The following BMPR2 variants were observed in gnomAD, a reference collection of about 807,000 sequenced individuals.
BMPR2 encodes bone morphogenetic protein receptor type-2.
In BMPR2, 29 loss-of-function variants were observed where a neutral mutation model predicts 100.8. That is an observed-to-expected ratio of 0.29 (90% CI 0.21 to 0.39). BMPR2 has a LOEUF of 0.39. BMPR2 is among the 10% of genes least tolerant of loss of function. The pLI is 1.00. For missense variants in BMPR2, 1,011 were observed against 1,274.5 expected, an observed-to-expected ratio of 0.79 and a Z score of 3.15; for synonymous variants, 382 against 442.3, an observed-to-expected ratio of 0.86 and a Z score of 1.71.
intron 1 of BMPR2, among the ~76,000 whole-genome samples, chr2:202,453,154 C>T (rs1217003112): frequency 1.3e-5 from 2 of 150,672 alleles, no homozygotes; most frequent in African/African-American, 4.9e-5. Flanking sequence ...CAAGCAAGGA[C>T]GTGACGTGAT....
chr2:202,421,759 C>T (rs560392282), intron 1 of BMPR2, among the ~76,000 whole-genome samples: 23 of 149,130 alleles, frequency 1.5e-4, no homozygotes, highest in Admixed American at 2.7e-4. Flanking sequence ...AAGTCACTTC[C>T]ACTAGAAGAT....
chr2:202,401,951 CT>C (rs1455671579), intron 1 of BMPR2, among the ~76,000 whole-genome samples: 1 of 152,168 alleles, frequency 6.6e-6, no homozygotes, highest in African/African-American at 2.4e-5. Flanking sequence ...CTCAAAAGTG[CT>C]TTTTGTAAAG....
chr2:202,556,704 T>C (rs1292232172), intron 12 of BMPR2, among the ~76,000 whole-genome samples, 173 bp downstream of exon 12: 1 of 152,178 alleles, frequency 6.6e-6, no homozygotes, highest in Non-Finnish European at 1.5e-5. Context: ...CCTAGCACTT[T>C]GGGAGGCCAA....
intron 1 of BMPR2, among the ~76,000 whole-genome samples, chr2:202,388,975 G>A (rs1049083108): frequency 6.6e-6 from 1 of 151,960 alleles, no homozygotes; most frequent in African/African-American, 2.4e-5. Flanking sequence ...AGTGGCTCGC[G>A]CCTGTAATCT....
chr2:202,523,993 A>T (rs1225203832), intron 7 of BMPR2, among the ~76,000 whole-genome samples: 1 of 152,170 alleles, frequency 6.6e-6, no homozygotes, highest in Non-Finnish European at 1.5e-5. Context: ...TCGGGTACTC[A>T]TGGACATGAA....
intron 1 of BMPR2, among the ~76,000 whole-genome samples, chr2:202,455,694 C>G (rs950822656): frequency 6.6e-6 from 1 of 151,912 alleles, no homozygotes; most frequent in African/African-American, 2.4e-5. Flanking sequence ...TTTTTTGGCC[C>G]AAAATGGTTA....
Position 202,566,311 on chromosome 2 carries a change from C to T in BMPR2, c.*6365C>T, listed in dbSNP as rs559995996. 8 of 152,650 alleles carry T rather than the reference C, an allele frequency of 5.2e-5. No individual in the cohort carries two copies. Among genetic ancestry groups the T allele is most frequent in the African/African-American group, 1.9e-4 (8 of 41,564 alleles). 9.5% of individuals were successfully genotyped at this position (152,650 alleles called of 1,614,324 possible). A position where few individuals can be genotyped will look rare whatever the true frequency, so the allele number is the denominator to read the frequency against. Reference sequence around the variant, plus strand: ...CATCCCTTTGTACACTGAAAAAGTTCAATTGTTAGCAAGTAAGCAATTAGA... The same window carrying T: ...CATCCCTTTGTACACTGAAAAAGTTTAATTGTTAGCAAGTAAGCAATTAGA... On this transcript the variant is annotated 3_prime_UTR_variant, in exon 13 of 13. Transcript: ENST00000374580.
rs758445723 is a variant in BMPR2, at chr2:202,520,134, C to G, written c.900C>G (p.Ser300Arg). The change falls in exon 7 of 13, where the codon AGC becomes AGG. Residue 300 changes from serine to arginine, a missense_variant. Physicochemically the swap from Ser to Arg is moderately radical, Grantham distance 110 (BLOSUM62 -1). Coordinates refer to ENST00000374580, the MANE Select transcript of BMPR2 (RefSeq NM_001204.7). ...GTCTCCACACAAGTGACTGGGTAAG[C>G]TCTTGCCGTCTTGCTCATTCTGTTA... ...YLSLHTSDWV[S>R]SCRLAHSVTR... 1 of 1,613,158 alleles carries G rather than the reference C, an allele frequency of 6.2e-7. No individual in the cohort carries two copies. Among genetic ancestry groups the G allele is most frequent in the African/African-American group, 1.3e-5 (1 of 74,634 alleles).
At position 202,377,384 on chromosome 2, in the gene BMPR2, G is replaced by GGA; in HGVS notation, c.-90_-89insAG. 8.0e-7 allele frequency: 1 copy of GGA among 1,243,584 alleles called. No homozygotes were observed. Among genetic ancestry groups the GGA allele is most frequent in the South Asian group, 1.2e-5 (1 of 83,708 alleles). The allele number at this position is 1,243,584 out of a possible 1,614,324, so 77.0% of individuals were successfully genotyped here. On this transcript the variant is annotated 5_prime_UTR_variant, in exon 1 of 13. Coordinates refer to ENST00000374580, the MANE Select transcript of BMPR2 (RefSeq NM_001204.7). ...TGTGATACGGGCAGGATCAGTCCAC[G>GGA]GGAGAGAAGACGAGCCTCCCGGCTG...
intron 1 of BMPR2, among the ~76,000 whole-genome samples, chr2:202,430,139 C>T (rs1691475096): frequency 6.6e-6 from 1 of 152,134 alleles, no homozygotes; most frequent in South Asian, 2.1e-4. Flanking sequence ...AAATCTCTCT[C>T]TTATAAGGCC....
intron 1 of BMPR2, among the ~76,000 whole-genome samples, chr2:202,393,823 G>GTT (rs1690598867): frequency 6.8e-6 from 1 of 147,298 alleles, no homozygotes; most frequent in Non-Finnish European, 1.5e-5. Flanking sequence ...ACTTATTTAG[G>GTT]TCACTAATTA....
At chr2:202,551,360 CA>C (rs1256597587) in intron 10 of BMPR2, among the ~76,000 whole-genome samples, 143 of 95,328 alleles carry the variant, frequency 1.5e-3, no homozygotes, top group African/African-American at 2.2e-3. Context: ...ACTAAAGATA[CA>C]AAAAAAAAAA....
intron 1 of BMPR2, among the ~76,000 whole-genome samples, chr2:202,434,935 ATTTATT>A (rs1386595771): frequency 1.0e-5 from 1 of 97,436 alleles, no homozygotes; most frequent in African/African-American, 4.0e-5. Flanking sequence ...ATATATATAT[ATTTATT>A]TATTTATTTA....
intron 10 of BMPR2, among the ~76,000 whole-genome samples, chr2:202,546,085 T>C (rs572618242): frequency 6.6e-6 from 1 of 152,230 alleles, no homozygotes; most frequent in Admixed American, 6.5e-5. Flanking sequence ...GAAAACTTTT[T>C]ACTTCCAGTA....
At chr2:202,534,836 G>A (rs1224957612) in intron 9 of BMPR2, among the ~76,000 whole-genome samples, 5 of 151,200 alleles carry the variant, frequency 3.3e-5, no homozygotes, top group Middle Eastern at 3.4e-3. Context: ...GGACGGGGCG[G>A]CTGGCCAGGC....
chr2:202,566,834 A>T lies in BMPR2; in HGVS notation c.*6888A>T, dbSNP rs1351268200. The T allele has an allele frequency of 2.0e-5, 3 of 152,198 alleles. No homozygotes were observed. Among genetic ancestry groups the T allele is most frequent in the Non-Finnish European group, 4.4e-5 (3 of 68,006 alleles). The allele number at this position is 152,198 out of a possible 1,614,324, so 9.4% of individuals were successfully genotyped here. A position where few individuals can be genotyped will look rare whatever the true frequency, so the allele number is the denominator to read the frequency against. On this transcript the variant is annotated 3_prime_UTR_variant, in exon 13 of 13. Coordinates refer to ENST00000374580, the MANE Select transcript of BMPR2 (RefSeq NM_001204.7). ...TAAATTGATGTGCTATATACTTAAA[A>T]TCCTAGGAAGTTATCTGTAACCAGT...
intron 1 of BMPR2, among the ~76,000 whole-genome samples, chr2:202,386,293 A>T (rs775242948): frequency 2.6e-5 from 4 of 152,136 alleles, no homozygotes; most frequent in Admixed American, 6.6e-5. Flanking sequence ...ATCTACTTGG[A>T]TGTCTGATAT....
intron 3 of BMPR2, among the ~76,000 whole-genome samples, chr2:202,488,583 C>T (rs549816399): frequency 4.5e-4 from 68 of 151,974 alleles, no homozygotes; most frequent in Non-Finnish European, 8.8e-4. Flanking sequence ...TTCAGCCTCC[C>T]TAGTAGCTAG....
chr2:202,501,558 A>AC (rs1197771433), intron 3 of BMPR2, among the ~76,000 whole-genome samples: 6 of 152,340 alleles, frequency 3.9e-5, no homozygotes, highest in Non-Finnish European at 8.8e-5. Flanking sequence ...CCAGTGGCAT[A>AC]CCTAAGTAAG....
Sources: allele counts gnomAD v4.1 joint callset (sites outside exome capture counted in the v4.1 genomes callset), GRCh38; gene constraint gnomAD v4.1.1; transcripts MANE v1.5; gene names NCBI Gene and HGNC (gene_info 2026-07-23, HGNC 2026-07-21).